WDPCP: variants seen among roughly 807,000 people sequenced by gnomAD.
WDPCP encodes WD repeat-containing and planar cell polarity effector protein fritz homolog.
In WDPCP, 71 loss-of-function variants were observed where a neutral mutation model predicts 93.1. The ratio of observed to expected loss-of-function variants is 0.76; its 90% CI spans 0.63 to 0.93. The LOEUF (loss-of-function observed/expected upper bound fraction) is 0.93. Ranked by LOEUF, WDPCP falls within the 40% of genes least tolerant of loss-of-function variation. The probability of loss-of-function intolerance (pLI) is 0.00; values close to 1 mark genes in which losing one functional copy is unlikely to be tolerated. For missense variants in WDPCP, 844 were observed against 887.4 expected (o/e 0.95, Z 0.62); for synonymous variants, 315 against 315.0 (o/e 1.00, Z 0.00).
intron 17 of WDPCP, among the ~76,000 whole-genome samples, chr2:63,123,992 T>G (rs1333545018): frequency 6.6e-6 from 1 of 151,628 alleles, no homozygotes; most frequent in Non-Finnish European, 1.5e-5. Context: ...TATTATTCCA[T>G]TAAATACTAT....
At chr2:63,655,420 GTATA>G (rs10572781) in intron 2 of WDPCP, among the ~76,000 whole-genome samples, 2,739 of 149,554 alleles carry the variant, frequency 0.018, 67 homozygotes, top group African/African-American at 0.061. Flanking sequence ...ATATACACAC[GTATA>G]TATATATATA....
chr2:63,452,496 T>C (rs911710464), intron 6 of WDPCP, among the ~76,000 whole-genome samples: 57 of 151,996 alleles, frequency 3.8e-4, no homozygotes, highest in Admixed American at 1.4e-3. Flanking sequence ...AGAATCAATA[T>C]CGTGAAAATG....
At chr2:63,837,784 T>A in the WDPCP span, among the ~76,000 whole-genome samples, 1 of 152,246 alleles carries the variant, frequency 6.6e-6, no homozygotes, top group Non-Finnish European at 1.5e-5. Flanking sequence ...AAATATAAAC[T>A]TTTTATGTTT....
chr2:63,532,005 A>G (rs1169117563), intron 1 of WDPCP, among the ~76,000 whole-genome samples: 2 of 152,220 alleles, frequency 1.3e-5, no homozygotes, highest in Non-Finnish European at 2.9e-5. Flanking sequence ...ACCAGCATAG[A>G]GAAGACCTTA....
At chr2:63,533,779 C>T (rs1224552858) in intron 1 of WDPCP, among the ~76,000 whole-genome samples, 1 of 152,118 alleles carries the variant, frequency 6.6e-6, no homozygotes, top group Non-Finnish European at 1.5e-5. Context: ...AATCGACACC[C>T]TAACATCACA....
intron 12 of WDPCP, among the ~76,000 whole-genome samples, chr2:63,373,365 C>T (rs12713489): frequency 0.56 from 85,018 of 150,528 alleles, 24,341 homozygotes; most frequent in Admixed American, 0.64. Flanking sequence ...TCCTCCCATC[C>T]CAGCCTTCCA....
chr2:63,522,225 G>A (rs576241390), intron 1 of WDPCP, among the ~76,000 whole-genome samples: 120 of 149,922 alleles, frequency 8.0e-4, no homozygotes, highest in Admixed American at 1.3e-3. Flanking sequence ...TCCCTGTGTC[G>A]ATGTGTTCTC....
rs895160074 is a variant in WDPCP at position 63,224,797 on chromosome 2, T to C, written c.1915+34510A>G. On this transcript the variant is annotated intron_variant, in intron 14 of 17. Transcript: ENST00000272321. ...GACAGTGAAACTAGTCTATATGATA[T>C]TACATGGTGGATATATGTCATTGTA... Among the ~76,000 whole-genome samples the C allele has an allele frequency of 2.0e-5, 3 of 151,970 alleles. No individual in the cohort carries two copies. The East Asian group carries it at 5.8e-4, about 29-fold the overall frequency.
At chr2:63,712,660 G>A (rs1669280164) in intron 2 of WDPCP, among the ~76,000 whole-genome samples, 2 of 152,134 alleles carry the variant, frequency 1.3e-5, no homozygotes, top group Non-Finnish European at 2.9e-5. Context: ...TCCACTTCAG[G>A]GACATTTTGT....
intron 3 of WDPCP, chr2:63,622,187 T>TTGCTGC: frequency 1.3e-6 from 2 of 1,594,724 alleles, no homozygotes; most frequent in South Asian, 1.1e-5. Context: ...ACACAAACTG[T>TTGCTGC]TGCTGCTGCT....
chr2:63,597,615 A>G (rs1447473023), intron 3 of WDPCP: 2 of 1,332,912 alleles, frequency 1.5e-6, no homozygotes, highest in Non-Finnish European at 1.9e-6. Context: ...CATTATTAGC[A>G]TTTGAAACTT....
intron 2 of WDPCP, among the ~76,000 whole-genome samples, chr2:63,787,354 G>A (rs569070824): frequency 1.1e-4 from 17 of 148,476 alleles, no homozygotes; most frequent in South Asian, 1.0e-3. Context: ...AGCAAAGTGC[G>A]CTTAAGCAAG....
intron 14 of WDPCP, among the ~76,000 whole-genome samples, chr2:63,181,551 T>C (rs1674241109): frequency 6.6e-6 from 1 of 152,184 alleles, no homozygotes; most frequent in African/African-American, 2.4e-5. Context: ...CATTGATCTG[T>C]ATGTCTATTT....
chr2:63,444,639 G>T (rs1232306438), intron 6 of WDPCP, among the ~76,000 whole-genome samples: 2 of 152,228 alleles, frequency 1.3e-5, no homozygotes, highest in East Asian at 3.9e-4. Flanking sequence ...AAATAAAAAA[G>T]AGCAGGCAAG....
At chr2:63,405,581 G>GTGTGTGTC (rs1415564153) in intron 9 of WDPCP, among the ~76,000 whole-genome samples, 50 of 136,286 alleles carry the variant, frequency 3.7e-4, no homozygotes, top group African/African-American at 1.3e-3. Context: ...GTGTGTGTGT[G>GTGTGTGTC]TGTGTTGGCG....
intron 1 of WDPCP, among the ~76,000 whole-genome samples, chr2:63,510,577 G>A (rs1351245336): frequency 6.6e-6 from 1 of 152,180 alleles, no homozygotes; most frequent in Non-Finnish European, 1.5e-5. Flanking sequence ...GGAAGTTCTG[G>A]CCAGGGCTAT....
At chr2:63,673,320 A>G (rs1382863596) in intron 2 of WDPCP, among the ~76,000 whole-genome samples, 1 of 152,190 alleles carries the variant, frequency 6.6e-6, no homozygotes. Flanking sequence ...TGTGAAGGAT[A>G]AAGTGGTAGG....
chr2:63,658,627 T>C (rs1234727774), intron 2 of WDPCP, among the ~76,000 whole-genome samples: 2 of 152,240 alleles, frequency 1.3e-5, no homozygotes, highest in African/African-American at 4.8e-5. Flanking sequence ...TAGGAAAACA[T>C]GTAACTTAGC....
At chr2:63,834,880 G>T in the WDPCP span, among the ~76,000 whole-genome samples, 2 of 152,170 alleles carry the variant, frequency 1.3e-5, no homozygotes, top group Non-Finnish European at 2.9e-5. Context: ...GTTAGCAGCT[G>T]AAGTGCCCTT....
Sources: allele counts gnomAD v4.1 joint callset (sites outside exome capture counted in the v4.1 genomes callset), GRCh38; gene constraint gnomAD v4.1.1; transcripts MANE v1.5; gene names NCBI Gene and HGNC (gene_info 2026-07-23, HGNC 2026-07-21).